Variants in LRRC4C observed in about 807,000 individuals in gnomAD.
LRRC4C encodes leucine-rich repeat-containing protein 4C.
A neutral mutation model predicts 33.6 loss-of-function variants in LRRC4C; 5 were observed. That is an observed-to-expected ratio of 0.15 (90% CI 0.08 to 0.31). LRRC4C has a LOEUF of 0.31. Ranked by LOEUF, LRRC4C falls within the 10% of genes least tolerant of loss-of-function variation. The probability of loss-of-function intolerance (pLI) is 1.00; values close to 1 mark genes in which losing one functional copy is unlikely to be tolerated. For synonymous variants in LRRC4C, 329 were observed against 302.0 expected (o/e 1.09, Z -0.93); for missense variants, 560 against 796.7 (o/e 0.70, Z 3.58).
intron 3 of LRRC4C, among the ~76,000 whole-genome samples, chr11:40,493,876 T>C (rs556044668): frequency 5.6e-4 from 85 of 152,156 alleles, no homozygotes; most frequent in Non-Finnish European, 9.7e-4. Context: ...TGTTTACTGT[T>C]CTCCATCCTA....
At chr11:41,303,875 G>A (rs1305431045) in intron 1 of LRRC4C, among the ~76,000 whole-genome samples, 647 of 58,066 alleles carry the variant, frequency 0.011, 22 homozygotes, top group African/African-American at 0.034. Context: ...GAGAAGTGAG[G>A]AGCCCCTCCG....
intron 2 of LRRC4C, among the ~76,000 whole-genome samples, chr11:40,830,038 G>A (rs1371220024): frequency 6.6e-6 from 1 of 151,986 alleles, no homozygotes; most frequent in Admixed American, 6.6e-5. Context: ...GGATGAATAG[G>A]TGTTTCTCAG....
Position 40,452,066 on chromosome 11 carries a change from A to G in LRRC4C, c.-269-132345T>C, listed in dbSNP as rs1951913005. ...CTAGCCAAGGAAAGCGGTGACAGAC[A>G]GCACCTGGAAAATCTTGTCACTCCC... On this transcript the variant is annotated intron_variant, in intron 3 of 6. Coordinates refer to ENST00000528697, the MANE Select transcript of LRRC4C (RefSeq NM_001258419.2). Among the ~76,000 whole-genome samples, 3 of 152,118 alleles carry G rather than the reference A, an allele frequency of 2.0e-5. No individual in the cohort carries two copies. In the South Asian group the frequency reaches 6.2e-4, roughly 32 times the overall value.
rs372544994 is a variant in LRRC4C at position 40,633,549 on chromosome 11, T to C, written c.-270+14593A>G. ...GATTACAGGTGCCCACCACCACGCCTGGCTAATTTTTGTATTTTTAGTAGA... is the reference window on the plus strand; with the variant it reads ...GATTACAGGTGCCCACCACCACGCCCGGCTAATTTTTGTATTTTTAGTAGA... On this transcript the variant is annotated intron_variant, in intron 3 of 6. Coordinates refer to ENST00000528697, the MANE Select transcript of LRRC4C (RefSeq NM_001258419.2). 2.4e-3 allele frequency among the ~76,000 whole-genome samples: 365 copies of C among 151,754 alleles called. 3 individuals carry two copies. The highest frequency in any genetic ancestry group is 0.014 in the South Asian group (69 of 4,804).
chr11:41,344,059 GC>G (rs1421898109), intron 1 of LRRC4C, among the ~76,000 whole-genome samples: 1 of 152,010 alleles, frequency 6.6e-6, no homozygotes, highest in Non-Finnish European at 1.5e-5. Context: ...TGCAACAAAT[GC>G]CTTTGATTCG....
intron 4 of LRRC4C, among the ~76,000 whole-genome samples, chr11:40,245,944 T>C (rs557196881): frequency 2.6e-5 from 4 of 151,782 alleles, no homozygotes; most frequent in Non-Finnish European, 5.9e-5. Flanking sequence ...AATTCTTAGA[T>C]ACATGATACA....
At chr11:41,348,333 A>G (rs576444098) in intron 1 of LRRC4C, among the ~76,000 whole-genome samples, 1 of 152,288 alleles carries the variant, frequency 6.6e-6, no homozygotes, top group African/African-American at 2.4e-5. Flanking sequence ...AACTGAAATA[A>G]AAAGTGTTGC....
At chr11:40,782,997 T>C (rs1260677684) in intron 2 of LRRC4C, among the ~76,000 whole-genome samples, 1 of 152,172 alleles carries the variant, frequency 6.6e-6, no homozygotes, top group African/African-American at 2.4e-5. Context: ...GTGCCATGCA[T>C]TATTTTTAGA....
At chr11:40,545,907 A>G (rs1956893787) in intron 3 of LRRC4C, among the ~76,000 whole-genome samples, 1 of 152,056 alleles carries the variant, frequency 6.6e-6, no homozygotes, top group Non-Finnish European at 1.5e-5. Context: ...TCATCTGTAC[A>G]GACACATTGG....
intron 3 of LRRC4C, among the ~76,000 whole-genome samples, chr11:40,512,046 G>GA (rs1202252415): frequency 1.2e-4 from 18 of 151,654 alleles, no homozygotes; most frequent in African/African-American, 3.9e-4. Flanking sequence ...CAGAAAAAAA[G>GA]AAAAAAAATC....
At chr11:40,657,651 T>C (rs1170516477) in intron 2 of LRRC4C, among the ~76,000 whole-genome samples, 2 of 152,202 alleles carry the variant, frequency 1.3e-5, no homozygotes, top group African/African-American at 4.8e-5. Flanking sequence ...CTTCAAGTTG[T>C]CCTGCCTTTC....
At chr11:41,013,067 G>A (rs1266612440) in intron 1 of LRRC4C, among the ~76,000 whole-genome samples, 1 of 152,144 alleles carries the variant, frequency 6.6e-6, no homozygotes, top group African/African-American at 2.4e-5. Context: ...TAATTCACAG[G>A]ATTGTTTTAA....
intron 2 of LRRC4C, among the ~76,000 whole-genome samples, chr11:40,787,404 T>C (rs1950455962): frequency 6.6e-6 from 1 of 152,144 alleles, no homozygotes; most frequent in Admixed American, 6.5e-5. Context: ...TGCTGACAAG[T>C]GAGAGGCCTC....
At chr11:40,992,284 T>G (rs1381050995) in intron 1 of LRRC4C, among the ~76,000 whole-genome samples, 2 of 152,158 alleles carry the variant, frequency 1.3e-5, no homozygotes, top group Admixed American at 1.3e-4. Context: ...CCACTAAATT[T>G]TATTGAAAAT....
At chr11:40,717,529 G>C (rs1946789733) in intron 2 of LRRC4C, among the ~76,000 whole-genome samples, 1 of 152,024 alleles carries the variant, frequency 6.6e-6, no homozygotes, top group Non-Finnish European at 1.5e-5. Flanking sequence ...TACTCTTCCT[G>C]TTTTAGAGGG....
At chr11:40,428,578 C>T (rs947969807) in intron 3 of LRRC4C, among the ~76,000 whole-genome samples, 4 of 152,138 alleles carry the variant, frequency 2.6e-5, no homozygotes, top group African/African-American at 7.2e-5. Flanking sequence ...TTATATCTCT[C>T]GCTTGTAGAA....
At chr11:40,255,429 G>C (rs1174072789) in intron 4 of LRRC4C, among the ~76,000 whole-genome samples, 1 of 152,184 alleles carries the variant, frequency 6.6e-6, no homozygotes, top group Non-Finnish European at 1.5e-5. Context: ...ACAGCAAGGT[G>C]ATAAACACTC....
At chr11:40,655,637 C>G (rs1333862259) in intron 2 of LRRC4C, among the ~76,000 whole-genome samples, 1 of 152,118 alleles carries the variant, frequency 6.6e-6, no homozygotes, top group East Asian at 1.9e-4. Context: ...ACTTTGCTCA[C>G]AAATTCAGGT....
At chr11:40,176,557 A>G (rs897986138) in intron 5 of LRRC4C, among the ~76,000 whole-genome samples, 3 of 148,860 alleles carry the variant, frequency 2.0e-5, no homozygotes, top group South Asian at 2.1e-4. Flanking sequence ...TTTTTTTTTA[A>G]GAGACAGGGT....
Sources: gnomAD v4.1 joint callset for allele counts (sites outside exome capture counted in the v4.1 genomes callset) on GRCh38, gnomAD v4.1.1 for gene constraint, MANE v1.5 for transcripts, NCBI Gene and HGNC (gene_info 2026-07-23, HGNC 2026-07-21) for gene names.